The following ZNF275 variants were observed in gnomAD, a reference collection of about 807,000 sequenced individuals.
ZNF275 encodes zinc finger protein 275.
ZNF275 carries 4 observed loss-of-function variants against 4.3 expected under a neutral mutation model. The ratio of observed to expected loss-of-function variants is 0.93; its 90% confidence interval spans 0.46 to 2.13. The LOEUF is 2.13. Among genes scored for constraint, ZNF275 ranks in the 30% most tolerant of loss-of-function variants. The pLI, the probability that ZNF275 is intolerant of heterozygous loss-of-function variation, is 0.02. For missense variants in ZNF275, 352 were observed against 397.1 expected, an observed-to-expected ratio of 0.89 and a Z score of 0.97; for synonymous variants, 173 against 166.9, an observed-to-expected ratio of 1.04 and a Z score of -0.28.
At chrX:153,338,554 A>G (rs1292439445) in intron 2 of ZNF275, among the ~76,000 whole-genome samples, 3 of 110,965 alleles carry the variant, frequency 2.7e-5, no homozygotes, top group Non-Finnish European at 5.7e-5. Context: ...CAGGATTTCA[A>G]CAGTTAATCA....
chrX:153,335,490 C>A (rs1224588422), intron 1 of ZNF275: 1 of 105,612 alleles, frequency 9.5e-6, no homozygotes, highest in Non-Finnish European at 2.0e-5. Context: ...CAGTACATCC[C>A]CACAAAATGT....
At position 153,336,666 on chromosome X, in the gene ZNF275, A is replaced by G. The variant is rs1356276649; in HGVS notation, c.-14A>G. On this transcript the variant is annotated 5_prime_UTR_variant, in exon 2 of 4. Coordinates refer to ENST00000650114, the MANE Select transcript of ZNF275 (RefSeq NM_001367757.1). Reference sequence around the variant, plus strand: ...CTTACCTGCCAGGCTGATCCCTTGGAGTAGTTCTGAGGCATGATGAGTCAT... The same window carrying G: ...CTTACCTGCCAGGCTGATCCCTTGGGGTAGTTCTGAGGCATGATGAGTCAT... 1 of 1,165,345 alleles carries G rather than the reference A, an allele frequency of 8.6e-7. No homozygotes were observed. The highest frequency in any genetic ancestry group is 1.1e-6 in the Non-Finnish European group (1 of 872,314).
In ZNF275 at chrX:153,352,393, A is replaced by G. The variant is rs1556962466; in HGVS notation, c.*4418A>G. 8.9e-6 allele frequency: 1 copy of G among 111,886 alleles called. No homozygotes were observed. Among genetic ancestry groups the G allele is most frequent in the Non-Finnish European group, 1.9e-5 (1 of 53,152 alleles). 9.2% of individuals were successfully genotyped at this position (111,886 alleles called of 1,213,427 possible). ...TTAACCTGTGATTTTATGTCTACGT[A>G]TATTGTTCCTTTACTGAACCCACCA... is the stretch of plus-strand genomic sequence containing the variant. On this transcript the variant is annotated 3_prime_UTR_variant, in exon 4 of 4. Transcript: ENST00000650114.
At chrX:153,335,730 G>A (rs2088441646) in intron 1 of ZNF275, among the ~76,000 whole-genome samples, 1 of 109,952 alleles carries the variant, frequency 9.1e-6, no homozygotes, top group Non-Finnish European at 1.9e-5. Context: ...GGAGAATCTG[G>A]GAACCTCCAG....
In ZNF275 at chrX:153,347,245, G is replaced by A. The variant is rs1269318652; in HGVS notation, c.560G>A (p.Gly187Glu). ...AAGCCCTTCGAGTGCGAGGAGTGCG[G>A]AAAACGGTTTAAGAAGAATGCAGGC... is the stretch of plus-strand genomic sequence containing the variant. ...EAKPFECEECGKRFKKNAGLS... is the reference protein window; with the variant it reads ...EAKPFECEECEKRFKKNAGLS... Residue 187 changes from glycine to glutamate, a missense_variant, in exon 4 of 4, where the codon GGA (glycine) becomes GAA (glutamate). Coordinates refer to ENST00000650114, the MANE Select transcript of ZNF275 (RefSeq NM_001367757.1). The A allele has an allele frequency of 1.7e-6, 2 of 1,209,660 alleles. No individual in the cohort carries two copies. The highest frequency in any genetic ancestry group is 3.5e-5 in the African/African-American group (2 of 57,186).
rs782629199 is a variant in ZNF275, at chrX:153,347,123, G to C, written c.438G>C (p.Glu146Asp). ...TTAGGGGGGTGGCGGAGTTTAATGA[G>C]CACAGGAAAAGCCACGTAGCTGCGG... ...KVFRGVAEFN[E>D]HRKSHVAAEP... The change falls in exon 4 of 4, where the codon GAG becomes GAC. Residue 146 changes from glutamate to aspartate, a missense_variant. Glu to Asp is a conservative substitution (Grantham distance 45). Coordinates refer to ENST00000650114, the MANE Select transcript of ZNF275 (RefSeq NM_001367757.1). 6 of 1,209,121 alleles carry C rather than the reference G, an allele frequency of 5.0e-6. No homozygotes were observed. In the African/African-American group the frequency reaches 8.8e-5, roughly 18 times the overall value.
intron 2 of ZNF275, chrX:153,344,285 C>A: frequency 3.4e-6 from 1 of 295,671 alleles, no homozygotes; most frequent in South Asian, 3.1e-5. Context: ...GCCTCTGTCT[C>A]TTGCCCCAGC....
Position 153,348,038 on chromosome X carries a change from A to C in ZNF275, c.*63A>C, listed in dbSNP as rs912342840. 1.8e-5 allele frequency: 19 copies of C among 1,038,986 alleles called. No homozygotes were observed. The African/African-American group carries it at 2.5e-4, about 14-fold the overall frequency. The allele number at this position is 1,038,986 out of a possible 1,213,427, so 85.6% of individuals were successfully genotyped here. ...CCAGAGGGGATGGCAGAGTCAAAGG[A>C]GATGAACAGTTTTGTAGCGCTTATA... is the stretch of plus-strand genomic sequence containing the variant. On this transcript the variant is annotated 3_prime_UTR_variant, in exon 4 of 4. Transcript: ENST00000650114.
In ZNF275 at chrX:153,351,407, T is replaced by C. The variant is rs2088555437; in HGVS notation, c.*3432T>C. On this transcript the variant is annotated 3_prime_UTR_variant, in exon 4 of 4. Transcript: ENST00000650114. ...ATCCTTGTCTGTGCATTCATGCATC[T>C]ACCTCATTCCGGTTTTCTTTCTAAT... 1 of 122,918 alleles carries C rather than the reference T, an allele frequency of 8.1e-6. No homozygotes were observed. The highest frequency in any genetic ancestry group is 9.4e-5 in the Admixed American group (1 of 10,595). The allele number at this position is 122,918 out of a possible 1,213,427, so 10.1% of individuals were successfully genotyped here.
chrX:153,345,532 T>TA lies in ZNF275; in HGVS notation c.47dup (p.Asn16LysfsTer24). 3 of 1,210,129 alleles carry TA rather than the reference T, an allele frequency of 2.5e-6. No homozygotes were observed. The highest frequency in any genetic ancestry group is 3.4e-6 in the Non-Finnish European group (3 of 893,807). On this transcript the variant is annotated frameshift_variant, in exon 3 of 4. Coordinates refer to ENST00000650114, the MANE Select transcript of ZNF275 (RefSeq NM_001367757.1). LOFTEE classifies it high-confidence loss of function. ...TTCCCATGAGCAGGCGTTCCTGTTT[T>TA]AAATCCTGCCTTGGTCCCTCACCTG...
chrX:153,347,855 C>A lies in ZNF275; in HGVS notation c.1170C>A (p.Ser390=). 1 of 1,204,765 alleles carries A rather than the reference C, an allele frequency of 8.3e-7. No individual in the cohort carries two copies. The highest frequency in any genetic ancestry group is 3.0e-5 in the East Asian group (1 of 33,522). The change falls in exon 4 of 4, where the codon TCC becomes TCA. Residue 390 remains serine (S), a synonymous_variant. Coordinates refer to ENST00000650114, the MANE Select transcript of ZNF275 (RefSeq NM_001367757.1). ...DKCGKAFRRS[S]GLSRHRRIHS... Reference sequence around the variant, plus strand: ...GCGGCAAGGCCTTCCGCCGGAGCTCCGGCCTCAGTCGCCACCGGCGGATCC... The same window carrying A: ...GCGGCAAGGCCTTCCGCCGGAGCTCAGGCCTCAGTCGCCACCGGCGGATCC...
chrX:153,336,127 T>G (rs2124201756), intron 1 of ZNF275, among the ~76,000 whole-genome samples: 1 of 112,754 alleles, frequency 8.9e-6, no homozygotes, highest in African/African-American at 3.2e-5. Flanking sequence ...CAAAATCCCC[T>G]TCTGGTCTAC....
intron 2 of ZNF275, among the ~76,000 whole-genome samples, chrX:153,342,750 T>C (rs782459667): frequency 8.9e-6 from 1 of 112,587 alleles, no homozygotes; most frequent in African/African-American, 3.2e-5. Context: ...AGCTTCCTGG[T>C]CACCCTTTTC....
chrX:153,345,364 C>T, intron 2 of ZNF275, 156 bp from the exon 3 acceptor site: 3 of 405,104 alleles, frequency 7.4e-6, no homozygotes, highest in Non-Finnish European at 1.3e-5. Context: ...GGAGCCTGAC[C>T]TTGGGAAACA....
chrX:153,336,614 G>A lies in ZNF275; in HGVS notation c.-46-20G>A. ...CACACAGGTCTGCTTCTGTTCACCT[G>A]AATTATTGCAATCCAACAGATGGGG... On this transcript the variant is annotated intron_variant, in intron 1 of 3. Coordinates refer to ENST00000650114, the MANE Select transcript of ZNF275 (RefSeq NM_001367757.1). The A allele has an allele frequency of 9.0e-7, 1 of 1,116,389 alleles. No individual in the cohort carries two copies. The highest frequency in any genetic ancestry group is 1.2e-6 in the Non-Finnish European group (1 of 826,604). 92.0% of individuals were successfully genotyped at this position (1,116,389 alleles called of 1,213,427 possible).
rs1027301371 is a variant in ZNF275, at chrX:153,350,938, C to T, written c.*2963C>T. On this transcript the variant is annotated 3_prime_UTR_variant, in exon 4 of 4. Coordinates refer to ENST00000650114, the MANE Select transcript of ZNF275 (RefSeq NM_001367757.1). Reference sequence around the variant, plus strand: ...TAGAAGTACTCTGCCATGTCTTGCCCGTTCATTTATCGTTTGTTGGGTTTC... The same window carrying T: ...TAGAAGTACTCTGCCATGTCTTGCCTGTTCATTTATCGTTTGTTGGGTTTC... 1 of 123,254 alleles carries T rather than the reference C, an allele frequency of 8.1e-6. No homozygotes were observed. Among genetic ancestry groups the T allele is most frequent in the Non-Finnish European group, 1.9e-5 (1 of 53,224 alleles). 10.2% of individuals were successfully genotyped at this position (123,254 alleles called of 1,213,427 possible).
At position 153,342,890 on chromosome X, in the gene ZNF275, G is replaced by A. The variant is rs1602827412; in HGVS notation, c.32-2630G>A. On this transcript the variant is annotated intron_variant, in intron 2 of 3. Coordinates refer to ENST00000650114, the MANE Select transcript of ZNF275 (RefSeq NM_001367757.1). The stretch of plus-strand genomic sequence containing the variant: ...TAACTCCTTTCTGGAACTCTGCTCT[G>A]CAACTTCCAGCTGCCTCAGCTGCTC... Among the ~76,000 whole-genome samples, 3 of 112,690 alleles carry A rather than the reference G, an allele frequency of 2.7e-5. No individual in the cohort carries two copies. The South Asian group carries it at 1.1e-3, about 41-fold the overall frequency.
Position 153,349,588 on chromosome X carries a change from G to A in ZNF275, c.*1613G>A, listed in dbSNP as rs2064365097. 8.1e-6 allele frequency: 1 copy of A among 123,524 alleles called. No individual in the cohort carries two copies. Among genetic ancestry groups the A allele is most frequent in the African/African-American group, 3.2e-5 (1 of 30,877 alleles). The allele number at this position is 123,524 out of a possible 1,213,427, so 10.2% of individuals were successfully genotyped here. ...GTTTTATTACGTTTTTGTTGTGAAA[G>A]CTTTTAATTTTTACATATCCAAGCA... On this transcript the variant is annotated 3_prime_UTR_variant, in exon 4 of 4. Transcript: ENST00000650114.
intron 2 of ZNF275, chrX:153,344,229 T>C (rs1556961284): frequency 3.1e-6 from 1 of 324,479 alleles, no homozygotes; most frequent in South Asian, 2.7e-5. Context: ...TGTGCTTCCC[T>C]CTGCCTTGCT....
Sources: gnomAD v4.1 joint callset for allele counts (sites outside exome capture counted in the v4.1 genomes callset) on GRCh38, gnomAD v4.1.1 for gene constraint, MANE v1.5 for transcripts, NCBI Gene and HGNC (gene_info 2026-07-23, HGNC 2026-07-21) for gene names.